Variants in RUNX2 observed in about 807,000 individuals in gnomAD.
The protein encoded by RUNX2 is RUNX family transcription factor 2, also known as runt-related transcription factor 2.
Under a neutral mutation model 51.7 loss-of-function variants are expected in RUNX2, and 10 were observed. That is an observed-to-expected ratio of 0.19 (90% CI 0.12 to 0.33). RUNX2 has a LOEUF of 0.33. RUNX2 is among the 10% of genes least tolerant of loss of function. The pLI, the probability that RUNX2 is intolerant of heterozygous loss-of-function variation, is 1.00. For missense variants in RUNX2, 562 were observed against 691.3 expected, an observed-to-expected ratio of 0.81 and a Z score of 2.10; for synonymous variants, 276 against 273.6, an observed-to-expected ratio of 1.01 and a Z score of -0.09.
chr6:45,490,936 A>G (rs374944441), intron 5 of RUNX2, among the ~76,000 whole-genome samples: 13 of 152,308 alleles, frequency 8.5e-5, no homozygotes, highest in South Asian at 4.2e-4. Context: ...TTTGTCCCCA[A>G]TAGCACCACC....
At chr6:45,500,332 G>A (rs1194716862) in intron 6 of RUNX2, among the ~76,000 whole-genome samples, 1 of 152,116 alleles carries the variant, frequency 6.6e-6, no homozygotes, top group East Asian at 1.9e-4. Context: ...AGTATTCCAG[G>A]AATATAACTG....
intron 2 of RUNX2, among the ~76,000 whole-genome samples, chr6:45,379,721 C>G (rs1797186971): frequency 6.6e-6 from 1 of 152,088 alleles, no homozygotes; most frequent in African/African-American, 2.4e-5. Context: ...AAAAAAGTAT[C>G]CGGGCGTGGT....
At chr6:45,405,807 G>A (rs1226754072) in intron 2 of RUNX2, among the ~76,000 whole-genome samples, 1 of 152,000 alleles carries the variant, frequency 6.6e-6, no homozygotes, top group Non-Finnish European at 1.5e-5. Context: ...AATCAACTAT[G>A]ATGGGAATAT....
intron 5 of RUNX2, among the ~76,000 whole-genome samples, chr6:45,465,583 T>C (rs1799605738): frequency 6.6e-6 from 1 of 152,038 alleles, no homozygotes; most frequent in Admixed American, 6.6e-5. Context: ...TTCTGGTCTG[T>C]ATCTGTAGGA....
intron 7 of RUNX2, among the ~76,000 whole-genome samples, chr6:45,531,520 C>T (rs900316929): frequency 2.0e-5 from 3 of 152,042 alleles, no homozygotes; most frequent in Admixed American, 6.5e-5. Flanking sequence ...TTTGGGAGGC[C>T]GAGGTGGGCA....
intron 2 of RUNX2, among the ~76,000 whole-genome samples, chr6:45,344,916 G>C (rs966627994): frequency 6.6e-6 from 1 of 152,140 alleles, no homozygotes; most frequent in East Asian, 1.9e-4. Context: ...TTTACAAGCA[G>C]GATAGTTTAG....
intron 2 of RUNX2, among the ~76,000 whole-genome samples, chr6:45,356,437 A>G (rs936727586): frequency 1.3e-5 from 2 of 151,730 alleles, no homozygotes; most frequent in African/African-American, 4.8e-5. Flanking sequence ...TCACTCTGTC[A>G]CCCAGGCTGG....
chr6:45,524,839 G>A (rs1387790942), intron 7 of RUNX2, among the ~76,000 whole-genome samples: 12 of 152,176 alleles, frequency 7.9e-5, no homozygotes, highest in Admixed American at 2.0e-4. Context: ...GAGGCTGGGC[G>A]CGGTGGCTCA....
chr6:45,397,113 T>TATA (rs1797598716), intron 2 of RUNX2, among the ~76,000 whole-genome samples: 2 of 151,924 alleles, frequency 1.3e-5, no homozygotes, highest in Admixed American at 1.3e-4. Context: ...AAAACTTTTT[T>TATA]TTTTTTTTGA....
At chr6:45,539,469 T>C (rs1411521466) in intron 7 of RUNX2, among the ~76,000 whole-genome samples, 1 of 152,236 alleles carries the variant, frequency 6.6e-6, no homozygotes, top group Non-Finnish European at 1.5e-5. Context: ...ATCAGCATGA[T>C]CCATTGCATG....
intron 2 of RUNX2, among the ~76,000 whole-genome samples, chr6:45,414,320 TCTC>T (rs1195668443): frequency 6.6e-6 from 1 of 152,110 alleles, no homozygotes; most frequent in Non-Finnish European, 1.5e-5. Context: ...CAACTTCACT[TCTC>T]CACTATATTA....
intron 7 of RUNX2, among the ~76,000 whole-genome samples, chr6:45,534,608 G>A (rs921555919): frequency 8.5e-5 from 13 of 152,174 alleles, no homozygotes; most frequent in African/African-American, 2.9e-4. Flanking sequence ...ACGCACCACA[G>A]AACTAACTGG....
In RUNX2 at chr6:45,547,119, G is replaced by A. The variant is rs756718952; in HGVS notation, c.1380G>A (p.Pro460=). Residue 460 remains proline (P), a synonymous_variant, in exon 9 of 9, where the codon CCG becomes CCA. Transcript: ENST00000647337. The stretch of plus-strand genomic sequence containing the variant: ...GATCCTATCAGTTTCCCATGGTGCC[G>A]GGGGGAGACCGGTCTCCTTCCAGAA... The part of the protein sequence containing the change: ...SSGSYQFPMV[P]GGDRSPSRML... 9.3e-6 allele frequency: 15 copies of A among 1,613,906 alleles called. No individual in the cohort carries two copies. In the East Asian group the frequency reaches 2.5e-4, roughly 26 times the overall value.
intron 6 of RUNX2, among the ~76,000 whole-genome samples, chr6:45,496,814 G>A (rs894333508): frequency 3.3e-5 from 5 of 152,338 alleles, no homozygotes; most frequent in Non-Finnish European, 7.4e-5. Flanking sequence ...GCAGAATTAT[G>A]TTCAGGAAGC....
At chr6:45,492,218 C>T (rs911119824) in intron 6 of RUNX2, 104 bp downstream of exon 6, 11 of 1,073,284 alleles carry the variant, frequency 1.0e-5, no homozygotes, top group South Asian at 4.0e-5. Context: ...AGCTGTGAAG[C>T]GGCTTATTAT....
At chr6:45,425,234 C>G (rs1270701930) in intron 3 of RUNX2, among the ~76,000 whole-genome samples, 1 of 152,184 alleles carries the variant, frequency 6.6e-6, no homozygotes, top group East Asian at 1.9e-4. Context: ...TTGAACTGTT[C>G]TCTTGCATTT....
rs574229248 is a variant in RUNX2, at chr6:45,527,566, T to G, written c.1021+15159T>G. ...TTTTCTCCCAATTGTTAGTTTACTT[T>G]AAAAGGAATAATATTGCATCTTTTA... On this transcript the variant is annotated intron_variant, in intron 7 of 8. Coordinates refer to ENST00000647337, the MANE Select transcript of RUNX2 (RefSeq NM_001024630.4). Among the ~76,000 whole-genome samples, 5 of 152,318 alleles carry G rather than the reference T, an allele frequency of 3.3e-5. No homozygotes were observed. In the South Asian group the frequency reaches 1.0e-3, roughly 32 times the overall value.
intron 2 of RUNX2, among the ~76,000 whole-genome samples, chr6:45,354,902 G>C (rs1027946570): frequency 6.6e-6 from 1 of 152,032 alleles, no homozygotes; most frequent in African/African-American, 2.4e-5. Flanking sequence ...TATAATATGG[G>C]CTTTTGGTAT....
intron 5 of RUNX2, among the ~76,000 whole-genome samples, chr6:45,490,350 C>A (rs1563109089): frequency 6.6e-6 from 1 of 152,144 alleles, no homozygotes; most frequent in Non-Finnish European, 1.5e-5. Context: ...ATAGCAGATG[C>A]CCAAAAACTT....
Sources: allele counts gnomAD v4.1 joint callset (sites outside exome capture counted in the v4.1 genomes callset), GRCh38; gene constraint gnomAD v4.1.1; transcripts MANE v1.5; gene names NCBI Gene and HGNC (gene_info 2026-07-23, HGNC 2026-07-21).